The following ELAVL2 variants were observed in gnomAD, a reference collection of about 807,000 sequenced individuals.
ELAVL2 encodes the protein ELAV-like protein 2.
A neutral mutation model predicts 34.6 loss-of-function variants in ELAVL2; 4 were observed. The ratio of observed to expected loss-of-function variants is 0.12; its 90% CI spans 0.06 to 0.26. ELAVL2 has a LOEUF of 0.26. ELAVL2 is among the 10% of genes least tolerant of loss of function. The pLI is 1.00. For missense variants in ELAVL2, 432 were observed against 442.8 expected (o/e 0.98, Z 0.22); for synonymous variants, 193 against 154.8 (o/e 1.25, Z -1.83).
chr9:23,770,578 T>C (rs938460362), intron 1 of ELAVL2, among the ~76,000 whole-genome samples: 1 of 152,074 alleles, frequency 6.6e-6, no homozygotes, highest in African/African-American at 2.4e-5. Flanking sequence ...TGATGAAGCA[T>C]GAGAAGAAAT....
At chr9:23,792,798 T>A (rs184012946) in intron 1 of ELAVL2, among the ~76,000 whole-genome samples, 79 of 152,234 alleles carry the variant, frequency 5.2e-4, no homozygotes, top group Admixed American at 2.0e-3. Context: ...AGACACAAGT[T>A]CTTACTCTGT....
chr9:23,767,564 T>G lies in ELAVL2; in HGVS notation c.-15-5315A>C, dbSNP rs2056540849. 2.6e-5 allele frequency among the ~76,000 whole-genome samples: 4 copies of G among 152,094 alleles called. No homozygotes were observed. The South Asian group carries it at 8.3e-4, about 31-fold the overall frequency. On this transcript the variant is annotated intron_variant, in intron 1 of 6. Coordinates refer to ENST00000397312, the MANE Select transcript of ELAVL2 (RefSeq NM_004432.5). ...GGGAGGCTGAGGTAGGTGGACCACT[T>G]GAGGTCAGAAGTTCAAGACCAGCCT...
At chr9:23,764,965 C>T (rs546390576) in intron 1 of ELAVL2, 20 of 1,576,270 alleles carry the variant, frequency 1.3e-5, no homozygotes, top group South Asian at 1.1e-4. Context: ...CTCCAACATG[C>T]TAAAAAAAAG....
intron 1 of ELAVL2, among the ~76,000 whole-genome samples, chr9:23,816,600 A>C (rs578161784): frequency 7.1e-4 from 107 of 151,546 alleles, no homozygotes; most frequent in African/African-American, 2.5e-3. Context: ...ATGATGGTTC[A>C]AACTTACGAT....
At chr9:23,842,392 C>A in the ELAVL2 span, among the ~76,000 whole-genome samples, 1 of 152,054 alleles carries the variant, frequency 6.6e-6, no homozygotes, top group Non-Finnish European at 1.5e-5. Context: ...AACTCAGAGC[C>A]ACTGTTGCCC....
chr9:23,696,999 T>C (rs1166938890), intron 5 of ELAVL2, among the ~76,000 whole-genome samples: 2 of 152,108 alleles, frequency 1.3e-5, no homozygotes, highest in Non-Finnish European at 2.9e-5. Flanking sequence ...CCCAGTACCT[T>C]CTCAGTCCTG....
At chr9:23,746,504 A>AACT (rs2050521635) in intron 2 of ELAVL2, among the ~76,000 whole-genome samples, 1 of 152,062 alleles carries the variant, frequency 6.6e-6, no homozygotes, top group Admixed American at 6.5e-5. Flanking sequence ...TAGGAAGTAA[A>AACT]ACTACCCCCA....
chr9:23,726,003 T>A (rs1276881346), intron 3 of ELAVL2, among the ~76,000 whole-genome samples: 1 of 151,976 alleles, frequency 6.6e-6, no homozygotes, highest in Non-Finnish European at 1.5e-5. Context: ...TTTAGTAAGG[T>A]AATTTAGACA....
At chr9:23,813,127 T>C (rs1441448102) in intron 1 of ELAVL2, among the ~76,000 whole-genome samples, 1 of 152,214 alleles carries the variant, frequency 6.6e-6, no homozygotes, top group Non-Finnish European at 1.5e-5. Context: ...AGTTGCTCTC[T>C]GCTATTCAAA....
rs962034941 is a variant in ELAVL2 at position 23,691,720 on chromosome 9, A to T, written c.*837T>A. 1.3e-5 allele frequency: 2 copies of T among 152,574 alleles called. No individual in the cohort carries two copies. The highest frequency in any genetic ancestry group is 2.9e-5 in the Non-Finnish European group (2 of 68,014). The allele number at this position is 152,574 out of a possible 1,614,324, so 9.5% of individuals were successfully genotyped here. A position where few individuals can be genotyped will look rare whatever the true frequency, so the allele number is the denominator to read the frequency against. ...TTGATTCTACTCCTTTCATACAAAG[A>T]TCTCAAAAGTATTTTCTACACCATA... On this transcript the variant is annotated 3_prime_UTR_variant, in exon 7 of 7. Transcript: ENST00000397312.
chr9:23,776,922 A>C lies in ELAVL2; in HGVS notation c.-15-14673T>G, dbSNP rs115237463. ...GCATTGATACTGAACATTAAAGTGGACTTCTGCCTCACTAAGAAAATTTTA... is the reference window on the plus strand; with the variant it reads ...GCATTGATACTGAACATTAAAGTGGCCTTCTGCCTCACTAAGAAAATTTTA... On this transcript the variant is annotated intron_variant, in intron 1 of 6. Coordinates refer to ENST00000397312, the MANE Select transcript of ELAVL2 (RefSeq NM_004432.5). 4.2e-3 allele frequency among the ~76,000 whole-genome samples: 637 copies of C among 152,198 alleles called. 5 individuals carry two copies. The highest frequency in any genetic ancestry group is 0.014 in the African/African-American group (602 of 41,518).
intron 1 of ELAVL2, among the ~76,000 whole-genome samples, chr9:23,798,068 A>T (rs1171995826): frequency 6.6e-6 from 1 of 152,232 alleles, no homozygotes; most frequent in African/African-American, 2.4e-5. Context: ...TGAATGCCTG[A>T]AAGTGTTTGA....
At chr9:23,796,107 C>A (rs2060893211) in intron 1 of ELAVL2, among the ~76,000 whole-genome samples, 1 of 152,006 alleles carries the variant, frequency 6.6e-6, no homozygotes, top group Non-Finnish European at 1.5e-5. Context: ...TTCTGCAATC[C>A]AAAGAAGAAT....
At chr9:23,817,086 G>T (rs2063822084) in intron 1 of ELAVL2, among the ~76,000 whole-genome samples, 1 of 151,646 alleles carries the variant, frequency 6.6e-6, no homozygotes, top group Non-Finnish European at 1.5e-5. Flanking sequence ...CTGTCTTACA[G>T]TAAGTATAAT....
At chr9:23,701,311 A>G in intron 5 of ELAVL2, 68 bp downstream of exon 5, 5 of 1,527,876 alleles carry the variant, frequency 3.3e-6, no homozygotes, top group Non-Finnish European at 3.6e-6. Flanking sequence ...CAATAAAAGT[A>G]CTGGACAGTA....
At chr9:23,753,146 A>G (rs185690488) in intron 2 of ELAVL2, among the ~76,000 whole-genome samples, 2 of 152,294 alleles carry the variant, frequency 1.3e-5, no homozygotes, top group East Asian at 3.9e-4. Flanking sequence ...TGACAAATCG[A>G]ATGACACTCA....
At chr9:23,744,328 G>T (rs2049992455) in intron 2 of ELAVL2, among the ~76,000 whole-genome samples, 1 of 152,154 alleles carries the variant, frequency 6.6e-6, no homozygotes, top group Admixed American at 6.6e-5. Flanking sequence ...ACCACTCGAA[G>T]AAATGAATGT....
At chr9:23,755,065 T>TC (rs2053207552) in intron 2 of ELAVL2, among the ~76,000 whole-genome samples, 1 of 152,112 alleles carries the variant, frequency 6.6e-6, no homozygotes. Context: ...TCCAAACCTT[T>TC]CCTTTGTTAA....
intron 1 of ELAVL2, among the ~76,000 whole-genome samples, chr9:23,805,557 T>C (rs17550617): frequency 0.14 from 21,255 of 152,202 alleles, 1,869 homozygotes; most frequent in Middle Eastern, 0.2. Flanking sequence ...ATGGAGCTGC[T>C]ACTGTACCTT....
Sources: allele counts gnomAD v4.1 joint callset (sites outside exome capture counted in the v4.1 genomes callset), GRCh38; gene constraint gnomAD v4.1.1; transcripts MANE v1.5; gene names NCBI Gene and HGNC (gene_info 2026-07-23, HGNC 2026-07-21).